OR1J2: variants seen among roughly 807,000 people sequenced by gnomAD.
The protein encoded by OR1J2 is olfactory receptor 1J2.
For synonymous variants in OR1J2, 142 were observed against 99.7 expected, an observed-to-expected ratio of 1.42 and a Z score of -2.52; for missense variants, 304 against 246.1, an observed-to-expected ratio of 1.24 and a Z score of -1.57.
chr9:122,466,695 C>G, the OR1J2 span, among the ~76,000 whole-genome samples: 1 of 152,192 alleles, frequency 6.6e-6, no homozygotes. Flanking sequence ...AATTTCATTC[C>G]CAACTCCCCC....
the OR1J2 span, chr9:122,476,903 T>C: frequency 1.3e-6 from 1 of 754,640 alleles, no homozygotes; most frequent in Non-Finnish European, 2.2e-6. Context: ...AGACTGGGTT[T>C]CGCCATGTTG....
At chr9:122,517,249 C>T in the OR1J2 span, among the ~76,000 whole-genome samples, 3 of 152,160 alleles carry the variant, frequency 2.0e-5, no homozygotes, top group Admixed American at 2.0e-4. Context: ...ACATACTACC[C>T]TCAGACACTA....
the OR1J2 span, among the ~76,000 whole-genome samples, chr9:122,518,789 C>A: frequency 1.3e-5 from 2 of 152,198 alleles, no homozygotes; most frequent in Non-Finnish European, 2.9e-5. Context: ...AACATGAAGG[C>A]TCATGACTAG....
At chr9:122,456,213 G>A in the OR1J2 span, among the ~76,000 whole-genome samples, 148 of 152,278 alleles carry the variant, frequency 9.7e-4, no homozygotes, top group African/African-American at 3.4e-3. Flanking sequence ...GGGAATAATG[G>A]CTGTAATAAG....
At chr9:122,552,882 A>G in the OR1J2 span, among the ~76,000 whole-genome samples, 3 of 151,612 alleles carry the variant, frequency 2.0e-5, no homozygotes, top group Non-Finnish European at 4.4e-5. Flanking sequence ...CTTGCCATCA[A>G]GCTATTCTCA....
chr9:122,449,685 A>G, the OR1J2 span, among the ~76,000 whole-genome samples: 405 of 152,270 alleles, frequency 2.7e-3, 3 homozygotes, highest in Middle Eastern at 0.02. Flanking sequence ...ATGTATTTCT[A>G]TCTATCATTT....
the OR1J2 span, among the ~76,000 whole-genome samples, chr9:122,570,544 T>C: frequency 2.0e-5 from 3 of 152,168 alleles, no homozygotes; most frequent in African/African-American, 7.2e-5. Flanking sequence ...AATATCCACA[T>C]TGTCATGAGG....
the OR1J2 span, among the ~76,000 whole-genome samples, chr9:122,487,006 A>G: frequency 6.6e-6 from 1 of 152,114 alleles, no homozygotes; most frequent in African/African-American, 2.4e-5. Context: ...GCAGCTTCCC[A>G]GAAAGTAAAT....
At chr9:122,558,203 A>G in the OR1J2 span, among the ~76,000 whole-genome samples, 1 of 107,896 alleles carries the variant, frequency 9.3e-6, no homozygotes, top group South Asian at 2.8e-4. Flanking sequence ...CTATTGTCCT[A>G]TTTTCAATTT....
the OR1J2 span, among the ~76,000 whole-genome samples, chr9:122,481,211 TGTTA>T: frequency 4.3e-4 from 66 of 152,212 alleles, 1 homozygote; most frequent in Non-Finnish European, 7.8e-4. Context: ...TCTTTTCCTG[TGTTA>T]GTTTGCTAAG....
At chr9:122,476,230 A>G in the OR1J2 span, among the ~76,000 whole-genome samples, 14 of 152,206 alleles carry the variant, frequency 9.2e-5, no homozygotes, top group Admixed American at 8.5e-4. Context: ...GGAGTGAGAA[A>G]TGTCATATGT....
chr9:122,502,469 T>C, the OR1J2 span, among the ~76,000 whole-genome samples: 4 of 152,214 alleles, frequency 2.6e-5, no homozygotes, highest in Admixed American at 6.5e-5. Context: ...GATGCTTGTC[T>C]GGAGGAATCA....
chr9:122,514,351 C>T (rs1226398174), downstream of OR1J2, among the ~76,000 whole-genome samples: 2 of 152,152 alleles, frequency 1.3e-5, no homozygotes, highest in Non-Finnish European at 2.9e-5. Context: ...ATGTTTAGCT[C>T]CCACTTATAA....
At chr9:122,487,352 G>GAAT in the OR1J2 span, among the ~76,000 whole-genome samples, 1 of 151,956 alleles carries the variant, frequency 6.6e-6, no homozygotes, top group Non-Finnish European at 1.5e-5. Flanking sequence ...AAACACCAGA[G>GAAT]AATAATAATA....
the OR1J2 span, among the ~76,000 whole-genome samples, chr9:122,465,364 T>C: frequency 1.3e-5 from 2 of 152,238 alleles, no homozygotes; most frequent in East Asian, 3.8e-4. Flanking sequence ...GCTTTTCTTT[T>C]GCTCTCAAGA....
the OR1J2 span, among the ~76,000 whole-genome samples, chr9:122,540,971 C>A: frequency 6.6e-6 from 1 of 152,064 alleles, no homozygotes; most frequent in African/African-American, 2.4e-5. Context: ...GATTTTGTAT[C>A]CTGAGACTTT....
the OR1J2 span, among the ~76,000 whole-genome samples, chr9:122,453,346 C>G: frequency 1.3e-5 from 2 of 152,184 alleles, no homozygotes; most frequent in Non-Finnish European, 2.9e-5. Context: ...GGAGAGAACT[C>G]CCCCTAGTGA....
chr9:122,513,809 T>C (rs1215114173), downstream of OR1J2, among the ~76,000 whole-genome samples: 2 of 151,960 alleles, frequency 1.3e-5, no homozygotes, highest in African/African-American at 4.8e-5. Flanking sequence ...TTTCTCCTCT[T>C]TTCAAAAGGG....
the OR1J2 span, chr9:122,568,444 C>G: frequency 6.2e-7 from 1 of 1,608,462 alleles, no homozygotes. Context: ...AGGATAAACT[C>G]GGAGACACTG....
Sources: gnomAD v4.1 joint callset for allele counts (sites outside exome capture counted in the v4.1 genomes callset) on GRCh38, gnomAD v4.1.1 for gene constraint, MANE v1.5 for transcripts, NCBI Gene and HGNC (gene_info 2026-07-23, HGNC 2026-07-21) for gene names.